Variants in PHTF2 observed in about 807,000 individuals in gnomAD.
The protein encoded by PHTF2 is protein PHTF2.
Under a neutral mutation model 101.2 loss-of-function variants are expected in PHTF2, and 60 were observed. That is an observed-to-expected ratio of 0.59 (90% CI 0.48 to 0.73). The LOEUF (loss-of-function observed/expected upper bound fraction) is 0.73, where lower values mean the gene tolerates loss of function less well. Ranked by LOEUF, PHTF2 falls within the 30% of genes least tolerant of loss-of-function variation. The pLI is 0.00. For synonymous variants in PHTF2, 311 were observed against 307.3 expected (o/e 1.01, Z -0.13); for missense variants, 747 against 908.7 (o/e 0.82, Z 2.29).
intron 11 of PHTF2, among the ~76,000 whole-genome samples, chr7:77,927,866 C>T (rs1804206117): frequency 6.6e-6 from 1 of 152,026 alleles, no homozygotes; most frequent in African/African-American, 2.4e-5. Context: ...TAAAAGGTTA[C>T]GGTATGTAGT....
chr7:77,857,475 C>A (rs1369813162), intron 3 of PHTF2, among the ~76,000 whole-genome samples: 1 of 151,954 alleles, frequency 6.6e-6, no homozygotes, highest in African/African-American at 2.4e-5. Flanking sequence ...TTTTTAAGAG[C>A]CCTGACTAAA....
At chr7:77,937,593 A>G (rs1805253672) in intron 12 of PHTF2, 117 bp from the exon 12 acceptor site, 1 of 361,280 alleles carries the variant, frequency 2.8e-6, no homozygotes, top group African/African-American at 2.1e-5. Context: ...ACCAATTTTT[A>G]TTTTTAGTGT....
intron 3 of PHTF2, among the ~76,000 whole-genome samples, chr7:77,877,878 A>C (rs1195305282): frequency 6.6e-6 from 1 of 151,998 alleles, no homozygotes; most frequent in African/African-American, 2.4e-5. Flanking sequence ...TCTCCTATTC[A>C]TGTGATGTCT....
At chr7:77,868,673 T>C (rs886572362) in intron 3 of PHTF2, among the ~76,000 whole-genome samples, 1 of 152,176 alleles carries the variant, frequency 6.6e-6, no homozygotes, top group East Asian at 1.9e-4. Flanking sequence ...ATTGCTATTA[T>C]TTTGAGAAAA....
At chr7:77,842,703 T>G (rs1008656391) in intron 2 of PHTF2, among the ~76,000 whole-genome samples, 2 of 152,214 alleles carry the variant, frequency 1.3e-5, no homozygotes, top group Non-Finnish European at 2.9e-5. Context: ...TAACTTTTGA[T>G]GGAATACTGG....
chr7:77,934,403 G>A (rs1345726385), intron 12 of PHTF2, among the ~76,000 whole-genome samples: 1 of 152,216 alleles, frequency 6.6e-6, no homozygotes, highest in African/African-American at 2.4e-5. Context: ...TTTAGTAAGT[G>A]TAAAGCTTTA....
At chr7:77,895,390 A>G (rs1055326698) in intron 5 of PHTF2, among the ~76,000 whole-genome samples, 1 of 152,104 alleles carries the variant, frequency 6.6e-6, no homozygotes, top group African/African-American at 2.4e-5. Context: ...ATCCATGAGA[A>G]AATAGTATGG....
intron 1 of PHTF2, among the ~76,000 whole-genome samples, chr7:77,818,527 T>C (rs1309951765): frequency 6.6e-6 from 1 of 152,198 alleles, no homozygotes; most frequent in Non-Finnish European, 1.5e-5. Flanking sequence ...CCTCAATGAG[T>C]GTTCCTGACA....
chr7:77,877,116 T>TC (rs1280996389), intron 3 of PHTF2, among the ~76,000 whole-genome samples: 29 of 135,840 alleles, frequency 2.1e-4, no homozygotes, highest in Admixed American at 1.4e-3. Context: ...TTTCTCTCTC[T>TC]TTTTTTTTTT....
At position 77,910,233 on chromosome 7, in the gene PHTF2, C is replaced by A; in HGVS notation, c.612-12C>A. Reference sequence around the variant, plus strand: ...TAAAGCTGCCTTCCATTCTTAATCTCTTCTGATGAAGGAAATTAAGAAAAG... The same window carrying A: ...TAAAGCTGCCTTCCATTCTTAATCTATTCTGATGAAGGAAATTAAGAAAAG... On this transcript the variant is annotated splice_polypyrimidine_tract_variant and intron_variant, in intron 8 of 19. Coordinates refer to ENST00000416283, the Ensembl canonical transcript of PHTF2. 1 of 1,608,384 alleles carries A rather than the reference C, an allele frequency of 6.2e-7. No homozygotes were observed. The highest frequency in any genetic ancestry group is 8.5e-7 in the Non-Finnish European group (1 of 1,177,294).
At chr7:77,826,094 A>C (rs1384601447) in intron 1 of PHTF2, among the ~76,000 whole-genome samples, 1 of 152,218 alleles carries the variant, frequency 6.6e-6, no homozygotes, top group Non-Finnish European at 1.5e-5. Flanking sequence ...CTAAGGAGAG[A>C]ATTATTTTGG....
At position 77,918,209 on chromosome 7, in the gene PHTF2, C is replaced by T. The variant is rs550940606; in HGVS notation, c.777-2070C>T. On this transcript the variant is annotated intron_variant, in intron 9 of 19. Transcript: ENST00000416283. ...CCTTTTACTGGCCTACCCTCACCCC[C>T]CTACCACCACCCTTTTTTTTAACCC... is the stretch of plus-strand genomic sequence containing the variant. Among the ~76,000 whole-genome samples, 3 of 152,130 alleles carry T rather than the reference C, an allele frequency of 2.0e-5. No homozygotes were observed. The South Asian group carries it at 6.2e-4, about 32-fold the overall frequency.
intron 3 of PHTF2, among the ~76,000 whole-genome samples, chr7:77,865,496 A>C (rs1056734874): frequency 8.5e-5 from 13 of 152,184 alleles, no homozygotes; most frequent in African/African-American, 2.9e-4. Flanking sequence ...AAGTGCTGGC[A>C]TTATAGATGT....
chr7:77,938,458 C>T (rs553870140), intron 13 of PHTF2, among the ~76,000 whole-genome samples: 23 of 152,072 alleles, frequency 1.5e-4, no homozygotes, highest in East Asian at 7.7e-4. Context: ...TGGCCGGGCG[C>T]GGTGGCTCAC....
At chr7:77,832,772 CTA>C (rs2150555860) in intron 1 of PHTF2, among the ~76,000 whole-genome samples, 1 of 151,500 alleles carries the variant, frequency 6.6e-6, no homozygotes, top group African/African-American at 2.4e-5. Flanking sequence ...CCCACTGATT[CTA>C]TGTTATGGTG....
intron 8 of PHTF2, 156 bp from the exon 8 acceptor site, chr7:77,910,089 G>A (rs1170956338): frequency 1.9e-5 from 11 of 584,362 alleles, no homozygotes; most frequent in South Asian, 1.5e-4. Flanking sequence ...TATGCATCAT[G>A]ATATTTGGAT....
intron 1 of PHTF2, among the ~76,000 whole-genome samples, chr7:77,838,719 A>T (rs1192502910): frequency 1.3e-5 from 2 of 152,198 alleles, no homozygotes; most frequent in Non-Finnish European, 2.9e-5. Flanking sequence ...TACATAATAG[A>T]TAGTAGAGCT....
chr7:77,820,682 T>C (rs1794216372), intron 1 of PHTF2, among the ~76,000 whole-genome samples: 1 of 152,186 alleles, frequency 6.6e-6, no homozygotes, highest in African/African-American at 2.4e-5. Context: ...TCATCCCAAG[T>C]TGTTCATAGT....
At chr7:77,819,303 G>A (rs1204508531) in intron 1 of PHTF2, among the ~76,000 whole-genome samples, 1 of 152,178 alleles carries the variant, frequency 6.6e-6, no homozygotes, top group Non-Finnish European at 1.5e-5. Context: ...AGGCATCCTT[G>A]TCTTGTTCTA....
Sources: gnomAD v4.1 joint callset for allele counts (sites outside exome capture counted in the v4.1 genomes callset) on GRCh38, gnomAD v4.1.1 for gene constraint, MANE v1.5 for transcripts, NCBI Gene and HGNC (gene_info 2026-07-23, HGNC 2026-07-21) for gene names.